The following IL1R1 variants were observed in gnomAD, a reference collection of about 807,000 sequenced individuals.
IL1R1 encodes interleukin 1 receptor type 1.
In IL1R1, 22 loss-of-function variants were observed where a neutral mutation model predicts 50.2. That is an observed-to-expected ratio of 0.44 (90% CI 0.31 to 0.63). IL1R1 has a LOEUF of 0.63. Ranked by LOEUF, IL1R1 falls within the 20% of genes least tolerant of loss-of-function variation. IL1R1 has a pLI of 0.07. For missense variants in IL1R1, 509 were observed against 676.2 expected, an observed-to-expected ratio of 0.75 and a Z score of 2.74; for synonymous variants, 251 against 236.7, an observed-to-expected ratio of 1.06 and a Z score of -0.55.
chr2:102,173,156 A>C (rs1396945900), intron 9 of IL1R1, among the ~76,000 whole-genome samples: 2 of 152,180 alleles, frequency 1.3e-5, no homozygotes, highest in Non-Finnish European at 2.9e-5. Flanking sequence ...GATGGTGGCA[A>C]CCATTTATCT....
intron 1 of IL1R1, among the ~76,000 whole-genome samples, chr2:102,094,045 C>T (rs1679797349): frequency 6.6e-6 from 1 of 152,196 alleles, no homozygotes; most frequent in Non-Finnish European, 1.5e-5. Flanking sequence ...ACCAACCACA[C>T]ATATAAAACT....
At chr2:102,071,227 A>G (rs1306103895) in intron 1 of IL1R1, among the ~76,000 whole-genome samples, 2 of 152,220 alleles carry the variant, frequency 1.3e-5, no homozygotes, top group Non-Finnish European at 2.9e-5. Flanking sequence ...TAAAGGAAGA[A>G]ATAAAAGCTC....
At chr2:102,073,268 G>A (rs548051002) in intron 1 of IL1R1, among the ~76,000 whole-genome samples, 53 of 152,158 alleles carry the variant, frequency 3.5e-4, no homozygotes, top group Non-Finnish European at 7.1e-4. Flanking sequence ...TCATAGACAA[G>A]GTTCTTATTC....
chr2:102,081,337 C>T (rs1679198656), intron 1 of IL1R1, among the ~76,000 whole-genome samples: 1 of 152,142 alleles, frequency 6.6e-6, no homozygotes, highest in African/African-American at 2.4e-5. Flanking sequence ...CTAAGGGAGC[C>T]TGGGATGGAA....
At chr2:102,164,472 A>G (rs999827898) in intron 3 of IL1R1, among the ~76,000 whole-genome samples, 11 of 152,038 alleles carry the variant, frequency 7.2e-5, no homozygotes, top group Admixed American at 7.2e-4. Flanking sequence ...CTATTACTCC[A>G]TCTTGTACTG....
Position 102,116,177 on chromosome 2 carries a change from C to T in IL1R1, c.-84+11305C>T, listed in dbSNP as rs116343059. Among the ~76,000 whole-genome samples the T allele has an allele frequency of 6.8e-3, 1,031 of 152,260 alleles. 21 individuals carry two copies. The South Asian group carries it at 0.091, about 13-fold the overall frequency. On this transcript the variant is annotated intron_variant, in intron 1 of 10. Coordinates refer to the IL1R1 transcript ENST00000409329. The stretch of plus-strand genomic sequence containing the variant: ...ATGTCCCCCAATGCATTGCTGCTTT[C>T]GACATCTCTCCATTTCTCTAGCTTC...
rs989268751 is a variant in IL1R1, at chr2:102,176,900, A to T, written c.*141A>T. On this transcript the variant is annotated 3_prime_UTR_variant, in exon 12 of 12. Transcript: ENST00000410023. ...CCCTGAGGTCACCTGGAATCAGATTATTAAGGGAATAAGCCATGACGTCAA... is the reference window on the plus strand; with the variant it reads ...CCCTGAGGTCACCTGGAATCAGATTTTTAAGGGAATAAGCCATGACGTCAA... 3 of 800,108 alleles carry T rather than the reference A, an allele frequency of 3.7e-6. No individual in the cohort carries two copies. Among genetic ancestry groups the T allele is most frequent in the Non-Finnish European group, 6.0e-6 (3 of 499,364 alleles). The allele number at this position is 800,108 out of a possible 1,614,324, so 49.6% of individuals were successfully genotyped here.
intron 1 of IL1R1, among the ~76,000 whole-genome samples, chr2:102,079,349 A>G (rs922907967): frequency 6.6e-6 from 1 of 152,170 alleles, no homozygotes; most frequent in African/African-American, 2.4e-5. Flanking sequence ...TATATAGAAC[A>G]TTCTAAGGAA....
intron 1 of IL1R1, among the ~76,000 whole-genome samples, chr2:102,073,817 A>G (rs1678844372): frequency 1.3e-5 from 2 of 152,192 alleles, no homozygotes; most frequent in Non-Finnish European, 2.9e-5. Context: ...AGAGGCAAAA[A>G]GCAACCCTAC....
At chr2:102,121,030 C>T (rs1681376520) in intron 1 of IL1R1, among the ~76,000 whole-genome samples, 1 of 152,122 alleles carries the variant, frequency 6.6e-6, no homozygotes, top group African/African-American at 2.4e-5. Context: ...CCTGTCAGGC[C>T]CTAGTGTTAA....
intron 8 of IL1R1, 56 bp from the exon 9 acceptor site, chr2:102,172,628 CTTA>C: frequency 6.9e-7 from 1 of 1,442,796 alleles, no homozygotes; most frequent in Non-Finnish European, 9.5e-7. Context: ...GTATACAGGT[CTTA>C]TTTGTAGTTG....
rs578113861 is a variant in IL1R1, at chr2:102,143,616, G to A, written c.-84+596G>A. On this transcript the variant is annotated intron_variant, in intron 1 of 11. Coordinates refer to ENST00000410023, the MANE Select transcript of IL1R1 (RefSeq NM_000877.4). ...GCTGTCATCACCCCTGTTTTACAGCGGGGGAAGCAGAAGTTTAGGTGACCA... is the reference window on the plus strand; with the variant it reads ...GCTGTCATCACCCCTGTTTTACAGCAGGGGAAGCAGAAGTTTAGGTGACCA... Among the ~76,000 whole-genome samples, 19 of 152,258 alleles carry A rather than the reference G, an allele frequency of 1.2e-4. No individual in the cohort carries two copies. The South Asian group carries it at 1.9e-3, about 15-fold the overall frequency.
chr2:102,126,753 C>A (rs1466983137), intron 1 of IL1R1, among the ~76,000 whole-genome samples: 1 of 152,180 alleles, frequency 6.6e-6, no homozygotes, highest in Non-Finnish European at 1.5e-5. Flanking sequence ...AATTCCCAGG[C>A]ACTGTCTGTA....
Position 102,174,668 on chromosome 2 carries a change from T to A in IL1R1, c.1073T>A (p.Ile358Asn). 2 of 1,612,656 alleles carry A rather than the reference T, an allele frequency of 1.2e-6. No individual in the cohort carries two copies. Among genetic ancestry groups the A allele is most frequent in the Non-Finnish European group, 1.7e-6 (2 of 1,179,316 alleles). Reference sequence around the variant, plus strand: ...GTGTGTTCTGTTTTCATCTATAAAATCTTCAAGATTGACATTGTGCTTTGG... The same window carrying A: ...GTGTGTTCTGTTTTCATCTATAAAAACTTCAAGATTGACATTGTGCTTTGG... ...IIVCSVFIYK[I>N]FKIDIVLWYR... Residue 358 changes from isoleucine (I) to asparagine (N), a missense_variant, in exon 10 of 12, where the codon ATC (isoleucine) becomes AAC (asparagine). Transcript: ENST00000410023.
intron 1 of IL1R1, among the ~76,000 whole-genome samples, chr2:102,089,736 C>T (rs575286552): frequency 1.3e-5 from 2 of 151,590 alleles, no homozygotes; most frequent in African/African-American, 4.9e-5. Flanking sequence ...CCTCTGAATG[C>T]CTTTGTTTCT....
At chr2:102,072,453 T>C (rs193160601) in intron 1 of IL1R1, among the ~76,000 whole-genome samples, 2 of 152,320 alleles carry the variant, frequency 1.3e-5, no homozygotes, top group Admixed American at 6.5e-5. Flanking sequence ...CCTGGTTTCT[T>C]ATACCTCACT....
At chr2:102,124,505 C>T (rs1681584376) in intron 1 of IL1R1, among the ~76,000 whole-genome samples, 2 of 152,054 alleles carry the variant, frequency 1.3e-5, no homozygotes, top group Admixed American at 1.3e-4. Context: ...CACAATTCCA[C>T]ATGGCTGGGG....
At chr2:102,123,358 A>G (rs1484010829) in intron 1 of IL1R1, among the ~76,000 whole-genome samples, 1 of 152,330 alleles carries the variant, frequency 6.6e-6, no homozygotes, top group Admixed American at 6.5e-5. Context: ...TTTTGGAATG[A>G]GGCATACCCA....
intron 1 of IL1R1, among the ~76,000 whole-genome samples, chr2:102,105,770 G>A (rs1398285195): frequency 6.6e-6 from 1 of 152,144 alleles, no homozygotes; most frequent in Non-Finnish European, 1.5e-5. Flanking sequence ...GACCTCAAAG[G>A]TAATCTTAAA....
Sources: allele counts gnomAD v4.1 joint callset (sites outside exome capture counted in the v4.1 genomes callset), GRCh38; gene constraint gnomAD v4.1.1; transcripts MANE v1.5; gene names NCBI Gene and HGNC (gene_info 2026-07-23, HGNC 2026-07-21).